MAGI2: variants seen among roughly 807,000 people sequenced by gnomAD.
MAGI2 encodes the protein membrane-associated guanylate kinase, WW and PDZ domain-containing protein 2.
Under a neutral mutation model 133.3 loss-of-function variants are expected in MAGI2, and 35 were observed. That is an observed-to-expected ratio of 0.26 (90% CI 0.20 to 0.35). The LOEUF (loss-of-function observed/expected upper bound fraction) is 0.35, where lower values mean the gene tolerates loss of function less well. Among genes scored for constraint, MAGI2 ranks in the 10% least tolerant of loss-of-function variants. The pLI is 1.00. For missense variants in MAGI2, 1,636 were observed against 1,863.4 expected, an observed-to-expected ratio of 0.88 and a Z score of 2.25; for synonymous variants, 729 against 710.6, an observed-to-expected ratio of 1.03 and a Z score of -0.41.
At chr7:79,147,288 A>T (rs1264853945) in intron 1 of MAGI2, among the ~76,000 whole-genome samples, 1 of 152,240 alleles carries the variant, frequency 6.6e-6, no homozygotes, top group Non-Finnish European at 1.5e-5. Flanking sequence ...AGTCAGGAAC[A>T]GGAAAATAAT....
intron 3 of MAGI2, among the ~76,000 whole-genome samples, chr7:78,587,321 A>G (rs545414944): frequency 9.9e-5 from 15 of 152,260 alleles, no homozygotes; most frequent in African/African-American, 3.4e-4. Flanking sequence ...AATTTTTACC[A>G]GGGCTTTCAT....
intron 6 of MAGI2, among the ~76,000 whole-genome samples, chr7:78,379,094 C>G (rs1794699572): frequency 6.6e-6 from 1 of 151,722 alleles, no homozygotes; most frequent in Non-Finnish European, 1.5e-5. Flanking sequence ...AGTACAAAGA[C>G]AAACATTAGA....
intron 10 of MAGI2, among the ~76,000 whole-genome samples, chr7:78,232,670 TAAC>T (rs1790107648): frequency 6.6e-6 from 1 of 152,128 alleles, no homozygotes; most frequent in Non-Finnish European, 1.5e-5. Flanking sequence ...TGTTATGACT[TAAC>T]AACAAACCTG....
At chr7:78,533,479 G>C (rs1797634388) in intron 3 of MAGI2, among the ~76,000 whole-genome samples, 1 of 152,194 alleles carries the variant, frequency 6.6e-6, no homozygotes, top group African/African-American at 2.4e-5. Context: ...TAAGGTTCCA[G>C]TGTAATCTCT....
rs150629235 is a variant in MAGI2, at chr7:78,519,680, A to G, written c.754+1750T>C. On this transcript the variant is annotated intron_variant, in intron 4 of 21. Coordinates refer to ENST00000354212, the MANE Select transcript of MAGI2 (RefSeq NM_012301.4). ...CTTTCTAGATTCAGTAAGCCCCATA[A>G]TTAAACAAGTTTCTAGTTTAAAAGT... Among the ~76,000 whole-genome samples, 550 of 152,330 alleles carry G rather than the reference A, an allele frequency of 3.6e-3. 7 individuals carry two copies. The highest frequency in any genetic ancestry group is 0.013 in the African/African-American group (527 of 41,574).
intron 1 of MAGI2, among the ~76,000 whole-genome samples, chr7:79,052,535 T>C (rs1473996022): frequency 6.6e-6 from 1 of 152,204 alleles, no homozygotes; most frequent in Non-Finnish European, 1.5e-5. Context: ...GATGCTCCCA[T>C]GCCACTGGCC....
rs200423769 is a variant in MAGI2 at position 78,127,185 on chromosome 7, G to A, written c.3423+12C>T. The A allele has an allele frequency of 7.7e-6, 12 of 1,552,580 alleles. No homozygotes were observed. In the African/African-American group the frequency reaches 8.2e-5, roughly 11 times the overall value. The stretch of plus-strand genomic sequence containing the variant: ...TTGGTCAGGACCCACCCTGCTCTCC[G>A]GGAGGAGGTACCTGGGGTTGTCTGT... On this transcript the variant is annotated intron_variant, in intron 19 of 21. Transcript: ENST00000354212.
At chr7:79,220,815 G>A (rs188301406) in intron 1 of MAGI2, among the ~76,000 whole-genome samples, 198 of 152,124 alleles carry the variant, frequency 1.3e-3, no homozygotes, top group Middle Eastern at 0.01. Context: ...GGAAATCATA[G>A]GCATTCACGC....
chr7:78,028,745 C>CT (rs1289381573), intron 21 of MAGI2, among the ~76,000 whole-genome samples: 3 of 150,664 alleles, frequency 2.0e-5, no homozygotes, highest in Non-Finnish European at 4.4e-5. Context: ...ATCCCAGCTA[C>CT]TCGGGAGGCA....
intron 1 of MAGI2, among the ~76,000 whole-genome samples, chr7:79,352,686 A>G (rs959859475): frequency 2.0e-5 from 3 of 152,198 alleles, no homozygotes; most frequent in Admixed American, 6.5e-5. Context: ...CAAAGAAGGT[A>G]TAGTAACCAT....
At chr7:78,078,853 G>T in intron 21 of MAGI2, 94 bp downstream of exon 21, 2 of 1,368,236 alleles carry the variant, frequency 1.5e-6, no homozygotes, top group Non-Finnish European at 2.1e-6. Context: ...TATTTAGGTA[G>T]AAGTGGAGAA....
chr7:78,505,696 T>C (rs1373610164), intron 4 of MAGI2, among the ~76,000 whole-genome samples: 2 of 152,214 alleles, frequency 1.3e-5, no homozygotes, highest in African/African-American at 4.8e-5. Flanking sequence ...CTTTCTCTCA[T>C]GGAACTCCAA....
At chr7:78,973,643 T>C (rs1803978660) in intron 2 of MAGI2, among the ~76,000 whole-genome samples, 1 of 151,860 alleles carries the variant, frequency 6.6e-6, no homozygotes, top group Admixed American at 6.6e-5. Flanking sequence ...TCCCTTTCTT[T>C]TCTAGTTGTC....
chr7:78,174,245 C>T (rs530900774), intron 14 of MAGI2, among the ~76,000 whole-genome samples: 5 of 152,234 alleles, frequency 3.3e-5, no homozygotes, highest in South Asian at 4.1e-4. Flanking sequence ...TCCTTGCCTT[C>T]GAGGAGCTCA....
At chr7:78,090,079 C>T (rs1419252372) in intron 20 of MAGI2, among the ~76,000 whole-genome samples, 1 of 152,170 alleles carries the variant, frequency 6.6e-6, no homozygotes, top group East Asian at 1.9e-4. Flanking sequence ...TTTTGTCATT[C>T]TCCCTGGATC....
At position 79,041,578 on chromosome 7, in the gene MAGI2, A is replaced by T. The variant is rs527591465; in HGVS notation, c.302-34372T>A. Among the ~76,000 whole-genome samples, 8 of 152,274 alleles carry T rather than the reference A, an allele frequency of 5.3e-5. No individual in the cohort carries two copies. The South Asian group carries it at 1.7e-3, about 32-fold the overall frequency. On this transcript the variant is annotated intron_variant, in intron 1 of 21. Transcript: ENST00000354212. ...ATTATCACATTAGTATAAAAGTAAT[A>T]TCTAAATCTGAGGCTTTCTCATGAG... is the stretch of plus-strand genomic sequence containing the variant.
intron 7 of MAGI2, among the ~76,000 whole-genome samples, chr7:78,350,767 T>C (rs925132270): frequency 2.0e-5 from 3 of 152,144 alleles, no homozygotes; most frequent in Admixed American, 1.3e-4. Context: ...AGGAGGAAAG[T>C]CTTAAATACT....
chr7:79,142,869 G>A (rs1235738270), intron 1 of MAGI2, among the ~76,000 whole-genome samples: 3 of 152,118 alleles, frequency 2.0e-5, no homozygotes, highest in South Asian at 2.1e-4. Context: ...GTTTCCATGC[G>A]ATAAATAGGC....
intron 7 of MAGI2, chr7:78,358,562 C>A (rs1347203399): frequency 6.5e-6 from 1 of 154,774 alleles, no homozygotes; most frequent in Non-Finnish European, 1.4e-5. Flanking sequence ...CAAGTGGGGC[C>A]AGGCTGCCCT....
Sources: gnomAD v4.1 joint callset for allele counts (sites outside exome capture counted in the v4.1 genomes callset) on GRCh38, gnomAD v4.1.1 for gene constraint, MANE v1.5 for transcripts, NCBI Gene and HGNC (gene_info 2026-07-23, HGNC 2026-07-21) for gene names.